ZNF609: variants seen among roughly 807,000 people sequenced by gnomAD.
ZNF609 encodes the protein zinc finger protein 609.
In ZNF609, 11 loss-of-function variants were observed where a neutral mutation model predicts 109.5. That is an observed-to-expected ratio of 0.10 (90% confidence interval 0.06 to 0.17). The LOEUF (loss-of-function observed/expected upper bound fraction) is 0.17, where lower values mean the gene tolerates loss of function less well. Ranked by LOEUF, ZNF609 falls within the 10% of genes least tolerant of loss-of-function variation. The pLI, the probability that ZNF609 is intolerant of heterozygous loss-of-function variation, is 1.00. For synonymous variants in ZNF609, 646 were observed against 662.0 expected, an observed-to-expected ratio of 0.98 and a Z score of 0.37; for missense variants, 1,559 against 1,772.4, an observed-to-expected ratio of 0.88 and a Z score of 2.16.
intron 2 of ZNF609, among the ~76,000 whole-genome samples, chr15:64,579,941 AT>A (rs1895070791): frequency 6.6e-6 from 1 of 152,344 alleles, no homozygotes; most frequent in East Asian, 1.9e-4. Context: ...TCCAAAAAAA[AT>A]CTATTTCTTA....
intron 2 of ZNF609, among the ~76,000 whole-genome samples, chr15:64,608,724 C>CGT (rs34519391): frequency 0.64 from 95,609 of 148,332 alleles, 33,644 homozygotes; most frequent in Non-Finnish European, 0.81. Context: ...TGCATGCATG[C>CGT]GTGTGTGTGT....
Position 64,675,158 on chromosome 15 carries a change from G to A in ZNF609, c.2304G>A (p.Met768Ile), listed in dbSNP as rs1402174941. The A allele has an allele frequency of 6.2e-7, 1 of 1,614,142 alleles. No homozygotes were observed. Among genetic ancestry groups the A allele is most frequent in the Non-Finnish European group, 8.5e-7 (1 of 1,180,032 alleles). Residue 768 changes from methionine to isoleucine, a missense_variant, in exon 5 of 10, where the codon ATG (methionine) becomes ATA (isoleucine). Coordinates refer to ENST00000326648, the MANE Select transcript of ZNF609 (RefSeq NM_015042.2). ...TCAGGGAATCTTCAGGAGATGGGATGAAAATGGAGGGGCTCCTAAATGGCT... is the reference window on the plus strand; with the variant it reads ...TCAGGGAATCTTCAGGAGATGGGATAAAAATGGAGGGGCTCCTAAATGGCT... Reference protein sequence around the residue: ...SPFRESSGDGMKMEGLLNGSS... With the variant: ...SPFRESSGDGIKMEGLLNGSS...
At chr15:64,584,366 C>T (rs937870908) in intron 2 of ZNF609, among the ~76,000 whole-genome samples, 4 of 151,986 alleles carry the variant, frequency 2.6e-5, no homozygotes, top group African/African-American at 9.7e-5. Flanking sequence ...TGCTCTGTCA[C>T]CTGGCTGACA....
At chr15:64,574,696 T>C (rs977763362) in intron 2 of ZNF609, among the ~76,000 whole-genome samples, 2 of 152,166 alleles carry the variant, frequency 1.3e-5, no homozygotes, top group African/African-American at 4.8e-5. Flanking sequence ...TTCCACATGA[T>C]TGCTCAAGTC....
chr15:64,492,580 C>T (rs1010006782), intron 1 of ZNF609, among the ~76,000 whole-genome samples: 4 of 152,074 alleles, frequency 2.6e-5, no homozygotes, highest in Non-Finnish European at 5.9e-5. Context: ...TGGAGTCTCG[C>T]TGTGTTGCCC....
intron 3 of ZNF609, among the ~76,000 whole-genome samples, chr15:64,640,847 C>G (rs1896243038): frequency 6.6e-6 from 1 of 152,192 alleles, no homozygotes. Context: ...GTGAAACAGC[C>G]TTTGTGGCAC....
chr15:64,488,026 C>T (rs930144566), intron 1 of ZNF609, among the ~76,000 whole-genome samples: 1 of 152,054 alleles, frequency 6.6e-6, no homozygotes, highest in Non-Finnish European at 1.5e-5. Flanking sequence ...CCTGGGGGCT[C>T]TCAGGAGTTT....
chr15:64,486,951 C>T (rs985275536), intron 1 of ZNF609, among the ~76,000 whole-genome samples: 4 of 152,210 alleles, frequency 2.6e-5, no homozygotes, highest in African/African-American at 4.8e-5. Context: ...CCCTTCTCTT[C>T]GTATCGAATC....
At chr15:64,610,163 C>A (rs149660339) in intron 2 of ZNF609, among the ~76,000 whole-genome samples, 4 of 152,054 alleles carry the variant, frequency 2.6e-5, no homozygotes, top group African/African-American at 9.6e-5. Flanking sequence ...ATAGGGAGAC[C>A]CCCATCTTTA....
At chr15:64,525,846 C>CA (rs1485198205) in intron 2 of ZNF609, among the ~76,000 whole-genome samples, 1 of 151,534 alleles carries the variant, frequency 6.6e-6, no homozygotes, top group Non-Finnish European at 1.5e-5. Context: ...TACAGTGGCA[C>CA]AGTCTTGGCT....
chr15:64,524,009 C>T (rs1246441116), intron 2 of ZNF609, among the ~76,000 whole-genome samples: 22 of 147,910 alleles, frequency 1.5e-4, no homozygotes, highest in East Asian at 3.9e-4. Flanking sequence ...ACAGGTTATA[C>T]GGGTTTTTTT....
Position 64,609,867 on chromosome 15 carries a change from A to G in ZNF609, c.748-12960A>G, listed in dbSNP as rs371079587. The stretch of plus-strand genomic sequence containing the variant: ...ACACGGTAAAACCTCGTCTCTACTA[A>G]AAATGCAAAAATTAGTCCAGTGTGG... On this transcript the variant is annotated intron_variant, in intron 2 of 9. Coordinates refer to ENST00000326648, the MANE Select transcript of ZNF609 (RefSeq NM_015042.2). Among the ~76,000 whole-genome samples the G allele has an allele frequency of 5.3e-5, 8 of 151,608 alleles. No homozygotes were observed. In the East Asian group the frequency reaches 9.9e-4, roughly 19 times the overall value.
chr15:64,585,279 C>G (rs961156225), intron 2 of ZNF609, among the ~76,000 whole-genome samples: 1 of 151,972 alleles, frequency 6.6e-6, no homozygotes, highest in Non-Finnish European at 1.5e-5. Flanking sequence ...GAGCCAAGAT[C>G]GTGTCACTGC....
At chr15:64,473,669 G>A (rs190220452) in intron 1 of ZNF609, among the ~76,000 whole-genome samples, 1 of 151,324 alleles carries the variant, frequency 6.6e-6, no homozygotes, top group Admixed American at 6.6e-5. Context: ...GCAGTGGTGC[G>A]ATATCGGCTT....
intron 3 of ZNF609, among the ~76,000 whole-genome samples, chr15:64,648,099 T>G (rs1896361202): frequency 6.6e-6 from 1 of 152,202 alleles, no homozygotes; most frequent in Non-Finnish European, 1.5e-5. Context: ...TATTCTCAAG[T>G]GCAGTGCGTA....
chr15:64,473,688 C>T (rs139018899), intron 1 of ZNF609, among the ~76,000 whole-genome samples: 1,965 of 152,078 alleles, frequency 0.013, 31 homozygotes, highest in African/African-American at 0.046. Flanking sequence ...TTACTGCAAC[C>T]TCCACCTCCT....
intron 1 of ZNF609, among the ~76,000 whole-genome samples, chr15:64,494,190 A>G (rs1893451336): frequency 6.6e-6 from 1 of 152,190 alleles, no homozygotes; most frequent in Non-Finnish European, 1.5e-5. Flanking sequence ...CTGGTCATTC[A>G]GAAATTTTGG....
At chr15:64,510,762 A>C (rs1893713034) in intron 2 of ZNF609, among the ~76,000 whole-genome samples, 2 of 151,978 alleles carry the variant, frequency 1.3e-5, no homozygotes, top group African/African-American at 4.8e-5. Context: ...TTTGTTGTCC[A>C]TTGGGATGTG....
intron 2 of ZNF609, among the ~76,000 whole-genome samples, chr15:64,516,675 C>T (rs1247017211): frequency 6.6e-6 from 1 of 152,158 alleles, no homozygotes; most frequent in Non-Finnish European, 1.5e-5. Context: ...CCATGCCCAC[C>T]CAAATAATAC....
Sources: gnomAD v4.1 joint callset for allele counts (sites outside exome capture counted in the v4.1 genomes callset) on GRCh38, gnomAD v4.1.1 for gene constraint, MANE v1.5 for transcripts, NCBI Gene and HGNC (gene_info 2026-07-23, HGNC 2026-07-21) for gene names.